The following LRBA variants were observed in gnomAD, a reference collection of about 807,000 sequenced individuals.
LRBA encodes lipopolysaccharide-responsive and beige-like anchor protein.
Under a neutral mutation model 330.0 loss-of-function variants are expected in LRBA, and 176 were observed. The ratio of observed to expected loss-of-function variants is 0.53; its 90% confidence interval spans 0.47 to 0.60. The LOEUF is 0.60. Ranked by LOEUF, LRBA falls within the 20% of genes least tolerant of loss-of-function variation. The probability of loss-of-function intolerance (pLI) is 0.00; values close to 1 mark genes in which losing one functional copy is unlikely to be tolerated. For missense variants in LRBA, 3,259 were observed against 3,444.8 expected (o/e 0.95, Z 1.35); for synonymous variants, 1,230 against 1,193.0 (o/e 1.03, Z -0.64).
At position 150,501,156 on chromosome 4, in the gene LRBA, A is replaced by G. The variant is rs532141927; in HGVS notation, c.6331-10121T>C. ...GGGGTTAACCTCATTTCATTGCGTA[A>G]CTCCATATTGTTGCACAATCCTCAC... On this transcript the variant is annotated intron_variant, in intron 40 of 56. Transcript: ENST00000651943. Among the ~76,000 whole-genome samples, 12 of 152,280 alleles carry G rather than the reference A, an allele frequency of 7.9e-5. No individual in the cohort carries two copies. The South Asian group carries it at 2.5e-3, about 32-fold the overall frequency.
At chr4:150,745,375 T>C (rs772899665) in intron 35 of LRBA, among the ~76,000 whole-genome samples, 11 of 151,860 alleles carry the variant, frequency 7.2e-5, no homozygotes, top group Non-Finnish European at 1.6e-4. Context: ...ATCACAATAA[T>C]CTACTAAAGA....
chr4:150,851,359 G>A (rs1039850595), intron 23 of LRBA, among the ~76,000 whole-genome samples: 1 of 152,222 alleles, frequency 6.6e-6, no homozygotes, highest in Non-Finnish European at 1.5e-5. Context: ...ATTGAATAAA[G>A]TGGAAAATGA....
chr4:150,814,100 T>C (rs912271261), intron 31 of LRBA, among the ~76,000 whole-genome samples: 1 of 152,078 alleles, frequency 6.6e-6, no homozygotes, highest in African/African-American at 2.4e-5. Context: ...ATACGGATAC[T>C]TGAGGTACAG....
chr4:150,888,220 G>A (rs1006439477), intron 17 of LRBA, among the ~76,000 whole-genome samples: 1 of 151,700 alleles, frequency 6.6e-6, no homozygotes, highest in African/African-American at 2.4e-5. Flanking sequence ...GAGAGTGAAG[G>A]TCAAATAAAT....
chr4:150,743,225 C>A (rs1242665121), intron 35 of LRBA, among the ~76,000 whole-genome samples: 1 of 152,172 alleles, frequency 6.6e-6, no homozygotes, highest in Non-Finnish European at 1.5e-5. Flanking sequence ...TTGCTTTGGC[C>A]TTCCAGGGTG....
intron 51 of LRBA, among the ~76,000 whole-genome samples, chr4:150,313,136 T>C (rs1731275415): frequency 6.6e-6 from 1 of 152,092 alleles, no homozygotes; most frequent in African/African-American, 2.4e-5. Flanking sequence ...CATAATAGGG[T>C]AATCAATTTT....
chr4:150,765,453 C>T (rs1037447320), intron 34 of LRBA, among the ~76,000 whole-genome samples: 1 of 152,106 alleles, frequency 6.6e-6, no homozygotes. Flanking sequence ...TTATAACACA[C>T]ATGCCAGTCT....
rs376672180 is a variant in LRBA at position 150,863,304 on chromosome 4, A to G, written c.2766+4367T>C. Among the ~76,000 whole-genome samples, 12 of 152,040 alleles carry G rather than the reference A, an allele frequency of 7.9e-5. No individual in the cohort carries two copies. The East Asian group carries it at 1.9e-3, about 24-fold the overall frequency. ...AAAATATTTTTTTTCCTTTCTCTAT[A>G]TCCTTATTCTAAAAGCTTTTTTCTC... is the stretch of plus-strand genomic sequence containing the variant. On this transcript the variant is annotated intron_variant, in intron 22 of 56. Coordinates refer to ENST00000651943, the MANE Select transcript of LRBA (RefSeq NM_001364905.1).
chr4:150,602,783 A>C (rs567515223), intron 37 of LRBA, among the ~76,000 whole-genome samples: 1 of 152,190 alleles, frequency 6.6e-6, no homozygotes, highest in African/African-American at 2.4e-5. Flanking sequence ...CCCTCTTCCC[A>C]AAAGGTTATA....
intron 46 of LRBA, among the ~76,000 whole-genome samples, chr4:150,432,453 C>CTGTTTTTTTTT (rs1750533696): frequency 1.0e-5 from 1 of 98,438 alleles, no homozygotes; most frequent in Non-Finnish European, 1.8e-5. Flanking sequence ...TAAGTGTGTT[C>CTGTTTTTTTTT]TTTTTTTTTT....
rs1309089797 is a variant in LRBA, at chr4:150,683,689, T to A, written c.5783A>T (p.Lys1928Ile). Residue 1928 changes from lysine (K) to isoleucine (I), a missense_variant, in exon 37 of 57, where the codon AAA (lysine) becomes ATA (isoleucine). By Grantham distance (102) the Lys-to-Ile change is moderately radical (BLOSUM62 -3). Coordinates refer to ENST00000651943, the MANE Select transcript of LRBA (RefSeq NM_001364905.1). ...ESLCAQYSADKREDEKMCDHL... is the reference protein window; with the variant it reads ...ESLCAQYSADIREDEKMCDHL... The stretch of plus-strand genomic sequence containing the variant: ...ATCACACATCTTCTCATCTTCTCGT[T>A]TGTCTGCAGAATACTGGGCACACAG... The A allele has an allele frequency of 6.2e-7, 1 of 1,613,420 alleles. No homozygotes were observed. The highest frequency in any genetic ancestry group is 8.5e-7 in the Non-Finnish European group (1 of 1,179,590).
intron 47 of LRBA, among the ~76,000 whole-genome samples, chr4:150,392,384 A>C (rs760839643): frequency 2.6e-5 from 4 of 152,132 alleles, no homozygotes; most frequent in Non-Finnish European, 5.9e-5. Context: ...GGAAAGAGAG[A>C]GCAGAGTGAG....
chr4:150,416,443 GA>G (rs1293906015), intron 46 of LRBA, among the ~76,000 whole-genome samples: 3 of 151,746 alleles, frequency 2.0e-5, no homozygotes, highest in Non-Finnish European at 2.9e-5. Context: ...CCAGAGCAGA[GA>G]AAAAAAATCC....
At chr4:150,274,981 G>GAA (rs769816123) in intron 56 of LRBA, among the ~76,000 whole-genome samples, 5 of 152,078 alleles carry the variant, frequency 3.3e-5, no homozygotes, top group Non-Finnish European at 5.9e-5. Flanking sequence ...AAGAAAGAAA[G>GAA]AAAATTTCAG....
At chr4:150,470,874 C>T (rs1337043967) in intron 43 of LRBA, among the ~76,000 whole-genome samples, 2 of 121,560 alleles carry the variant, frequency 1.6e-5, no homozygotes, top group South Asian at 5.5e-4. Context: ...CACACACACA[C>T]ACCACACACT....
At chr4:150,464,505 T>TG (rs765012993) in intron 44 of LRBA, among the ~76,000 whole-genome samples, 4 of 152,082 alleles carry the variant, frequency 2.6e-5, no homozygotes, top group Non-Finnish European at 5.9e-5. Context: ...CATAATACTA[T>TG]GGGGTCTTAG....
intron 35 of LRBA, among the ~76,000 whole-genome samples, chr4:150,742,788 C>A (rs930182566): frequency 1.3e-5 from 2 of 152,064 alleles, no homozygotes; most frequent in South Asian, 4.1e-4. Context: ...GTCTCAGCTA[C>A]TCAAAAGGCC....
At chr4:150,393,096 G>A (rs1744230283) in intron 47 of LRBA, among the ~76,000 whole-genome samples, 1 of 151,928 alleles carries the variant, frequency 6.6e-6, no homozygotes. Flanking sequence ...TGTCTCTTAA[G>A]TATCCTCATT....
chr4:150,384,368 G>C (rs1251142985), intron 47 of LRBA, among the ~76,000 whole-genome samples: 1 of 152,060 alleles, frequency 6.6e-6, no homozygotes, highest in African/African-American at 2.4e-5. Context: ...TATATAAAAG[G>C]TTGTGAAACT....
Sources: allele counts gnomAD v4.1 joint callset (sites outside exome capture counted in the v4.1 genomes callset), GRCh38; gene constraint gnomAD v4.1.1; transcripts MANE v1.5; gene names NCBI Gene and HGNC (gene_info 2026-07-23, HGNC 2026-07-21).